MOB3B: variants seen among roughly 807,000 people sequenced by gnomAD.
MOB3B encodes the protein MOB kinase activator-like 2B.
A neutral mutation model predicts 18.7 loss-of-function variants in MOB3B; 7 were observed. The observed-to-expected ratio is 0.37, with a 90% CI of 0.21 to 0.70. The LOEUF (loss-of-function observed/expected upper bound fraction) is 0.70. Ranked by LOEUF, MOB3B falls within the 30% of genes least tolerant of loss-of-function variation. MOB3B has a pLI of 0.52. For missense variants in MOB3B, 253 were observed against 281.3 expected (o/e 0.90, Z 0.72); for synonymous variants, 111 against 99.9 (o/e 1.11, Z -0.66).
chr9:27,399,310 A>G (rs1240503506), intron 2 of MOB3B, among the ~76,000 whole-genome samples: 1 of 152,230 alleles, frequency 6.6e-6, no homozygotes, highest in East Asian at 1.9e-4. Flanking sequence ...CAAATAGGCT[A>G]TTAAATAAAA....
At chr9:27,346,915 GAA>G (rs1350402839) in intron 3 of MOB3B, among the ~76,000 whole-genome samples, 1 of 152,168 alleles carries the variant, frequency 6.6e-6, no homozygotes, top group Non-Finnish European at 1.5e-5. Flanking sequence ...AGAATTGCTT[GAA>G]CCCAGGAGGT....
intron 1 of MOB3B, among the ~76,000 whole-genome samples, chr9:27,465,818 G>T (rs1349680878): frequency 1.3e-5 from 2 of 152,188 alleles, no homozygotes. Flanking sequence ...GCTCTACGTT[G>T]GCCCTTTCGG....
At chr9:27,424,414 A>G (rs775712087) in intron 2 of MOB3B, among the ~76,000 whole-genome samples, 19 of 152,236 alleles carry the variant, frequency 1.2e-4, no homozygotes, top group Admixed American at 1.1e-3. Context: ...ATACACAGGA[A>G]CAGGGCAGGT....
intron 1 of MOB3B, among the ~76,000 whole-genome samples, chr9:27,515,663 T>C (rs1428851640): frequency 6.6e-6 from 1 of 152,204 alleles, no homozygotes; most frequent in African/African-American, 2.4e-5. Flanking sequence ...TTATGAGCAC[T>C]AACACTATCT....
chr9:27,482,174 C>T (rs1819670185), intron 1 of MOB3B, among the ~76,000 whole-genome samples: 1 of 152,220 alleles, frequency 6.6e-6, no homozygotes, highest in South Asian at 2.1e-4. Context: ...CTGTGATCCC[C>T]ACCCTGTAAT....
intron 1 of MOB3B, among the ~76,000 whole-genome samples, chr9:27,506,208 T>C (rs991247538): frequency 1.3e-5 from 2 of 152,210 alleles, no homozygotes; most frequent in African/African-American, 4.8e-5. Context: ...GAAGGAAACT[T>C]AGAGATCACT....
At chr9:27,489,741 C>CTCTTTTTTTTTTTTTTT (rs1819785669) in intron 1 of MOB3B, among the ~76,000 whole-genome samples, 1 of 73,118 alleles carries the variant, frequency 1.4e-5, no homozygotes, top group Non-Finnish European at 2.6e-5. Flanking sequence ...AGGAAATAAT[C>CTCTTTTTTTTTTTTTTT]TTTTTTTTTT....
chr9:27,517,692 G>A (rs1820259300), intron 1 of MOB3B, among the ~76,000 whole-genome samples: 1 of 139,016 alleles, frequency 7.2e-6, no homozygotes, highest in Non-Finnish European at 1.6e-5. Context: ...TTACTGAACT[G>A]ATCTGATATT....
At chr9:27,422,721 G>C (rs1488092716) in intron 2 of MOB3B, among the ~76,000 whole-genome samples, 1 of 152,204 alleles carries the variant, frequency 6.6e-6, no homozygotes, top group Non-Finnish European at 1.5e-5. Context: ...CATAGGTCTT[G>C]TTGAAGCATG....
At chr9:27,477,122 A>G (rs1488336623) in intron 1 of MOB3B, among the ~76,000 whole-genome samples, 1 of 152,196 alleles carries the variant, frequency 6.6e-6, no homozygotes, top group Admixed American at 6.5e-5. Flanking sequence ...GCTTGGTTGA[A>G]TACTCCTCTG....
intron 2 of MOB3B, among the ~76,000 whole-genome samples, chr9:27,385,836 T>G (rs1375173079): frequency 1.3e-5 from 2 of 152,366 alleles, no homozygotes; most frequent in Middle Eastern, 3.4e-3. Context: ...TTTTGACAGT[T>G]TGCTGTGGCA....
chr9:27,407,192 G>C (rs1176251501), intron 2 of MOB3B, among the ~76,000 whole-genome samples: 1 of 152,134 alleles, frequency 6.6e-6, no homozygotes, highest in African/African-American at 2.4e-5. Flanking sequence ...AGAGGTCTAG[G>C]AAAGACTGAA....
At chr9:27,378,465 A>C in intron 2 of MOB3B, 1 of 471,276 alleles carries the variant, frequency 2.1e-6, no homozygotes, top group Non-Finnish European at 4.4e-6. Context: ...GAATGATTAC[A>C]TTCACCACTA....
chr9:27,358,565 C>T (rs1821226861), intron 3 of MOB3B, among the ~76,000 whole-genome samples: 1 of 152,210 alleles, frequency 6.6e-6, no homozygotes, highest in Non-Finnish European at 1.5e-5. Context: ...TCTGTCACTA[C>T]CTCTGGAGTA....
chr9:27,362,669 C>T (rs1219839010), intron 2 of MOB3B, among the ~76,000 whole-genome samples: 1 of 152,298 alleles, frequency 6.6e-6, no homozygotes, highest in East Asian at 1.9e-4. Flanking sequence ...ACTCCAGACA[C>T]TGCAAAGAGG....
chr9:27,344,673 GTCT>G (rs10587832), intron 3 of MOB3B, among the ~76,000 whole-genome samples: 17,672 of 152,170 alleles, frequency 0.12, 2,672 homozygotes, highest in African/African-American at 0.35. Flanking sequence ...TTAATGAAAA[GTCT>G]TCTTCTTCAA....
At chr9:27,453,283 C>T (rs1487778132) in intron 2 of MOB3B, among the ~76,000 whole-genome samples, 1 of 152,222 alleles carries the variant, frequency 6.6e-6, no homozygotes, top group Non-Finnish European at 1.5e-5. Context: ...ATCAATTTCA[C>T]TCAGCATTTC....
At chr9:27,437,370 T>C (rs911767605) in intron 2 of MOB3B, among the ~76,000 whole-genome samples, 3 of 152,194 alleles carry the variant, frequency 2.0e-5, no homozygotes, top group South Asian at 4.1e-4. Context: ...TTTGGGACTA[T>C]TATATAATTA....
intron 1 of MOB3B, among the ~76,000 whole-genome samples, chr9:27,521,475 T>C (rs1563889496): frequency 6.6e-6 from 1 of 152,212 alleles, no homozygotes. Flanking sequence ...CCACGGGCAA[T>C]TTCAGGGAAG....
Sources: allele counts gnomAD v4.1 joint callset (sites outside exome capture counted in the v4.1 genomes callset), GRCh38; gene constraint gnomAD v4.1.1; transcripts MANE v1.5; gene names NCBI Gene and HGNC (gene_info 2026-07-23, HGNC 2026-07-21).